PCDHA4: variants seen among roughly 807,000 people sequenced by gnomAD.
PCDHA4 encodes protocadherin alpha 4, also known as protocadherin alpha-4.
PCDHA4 carries 49 observed loss-of-function variants against 61.4 expected under a neutral mutation model. That is an observed-to-expected ratio of 0.80 (90% CI 0.63 to 1.01). The LOEUF (loss-of-function observed/expected upper bound fraction) is 1.01. Ranked by LOEUF, PCDHA4 falls within the 50% of genes least tolerant of loss-of-function variation. The pLI, the probability that PCDHA4 is intolerant of heterozygous loss-of-function variation, is 0.00. For missense variants in PCDHA4, 1,254 were observed against 1,235.8 expected, an observed-to-expected ratio of 1.01 and a Z score of -0.22; for synonymous variants, 590 against 550.3, an observed-to-expected ratio of 1.07 and a Z score of -1.01.
intron 1 of PCDHA4, among the ~76,000 whole-genome samples, chr5:140,938,521 T>C (rs2092100005): frequency 6.6e-6 from 1 of 150,974 alleles, no homozygotes; most frequent in African/African-American, 2.4e-5. Context: ...TTTTCTGTTA[T>C]TGAATGGATA....
chr5:140,853,230 G>T, intron 1 of PCDHA4: 1 of 982,608 alleles, frequency 1.0e-6, no homozygotes. Flanking sequence ...TGGTAATTTA[G>T]TCCTTCATAT....
At chr5:140,845,739 T>A (rs1410365251) in intron 1 of PCDHA4, among the ~76,000 whole-genome samples, 1 of 149,672 alleles carries the variant, frequency 6.7e-6, no homozygotes, top group African/African-American at 2.4e-5. Context: ...TTCTACTTTA[T>A]AGATTTATTT....
chr5:140,899,468 G>A (rs1243330987), intron 1 of PCDHA4, among the ~76,000 whole-genome samples: 131 of 152,196 alleles, frequency 8.6e-4, no homozygotes, highest in Admixed American at 2.5e-3. Context: ...TTTGTCTTTG[G>A]TTCTGTTTAT....
At chr5:140,913,966 A>C (rs2076538227) in intron 1 of PCDHA4, among the ~76,000 whole-genome samples, 1 of 152,156 alleles carries the variant, frequency 6.6e-6, no homozygotes, top group Non-Finnish European at 1.5e-5. Context: ...TTTTTAAAAA[A>C]ATATTTTAGG....
chr5:140,850,290 G>C (rs2150477897), intron 1 of PCDHA4: 1 of 1,595,932 alleles, frequency 6.3e-7, no homozygotes, highest in South Asian at 1.1e-5. Flanking sequence ...CGCAGTGGAC[G>C]CCGACTCGGG....
rs2150374915 is a variant in PCDHA4 at position 140,844,901 on chromosome 5, G to T, written c.2385+35329G>T. 3.1e-4 allele frequency among the ~76,000 whole-genome samples: 47 copies of T among 149,514 alleles called. 3 individuals are homozygous for T. The highest frequency in any genetic ancestry group is 1.0e-3 in the African/African-American group (41 of 40,888). ...TAGACTTCGTGCATATTGCTTTGGA[G>T]AGAATGGTAGAAATTGATGGAAGGG... On this transcript the variant is annotated intron_variant, in intron 1 of 3. Coordinates refer to ENST00000530339, the MANE Select transcript of PCDHA4 (RefSeq NM_018907.4).
At chr5:140,838,747 G>A (rs1055072551) in intron 1 of PCDHA4, among the ~76,000 whole-genome samples, 2 of 151,894 alleles carry the variant, frequency 1.3e-5, no homozygotes, top group South Asian at 2.1e-4. Flanking sequence ...ACCAGCTTGT[G>A]CATCTTTTGT....
chr5:140,835,847 G>T (rs140727991), intron 1 of PCDHA4: 20 of 1,612,344 alleles, frequency 1.2e-5, no homozygotes, highest in Admixed American at 1.7e-5. Flanking sequence ...AGAAGAACGC[G>T]CTGGTGTCCT....
intron 1 of PCDHA4, among the ~76,000 whole-genome samples, chr5:140,888,358 C>T (rs2061801167): frequency 6.6e-6 from 1 of 152,178 alleles, no homozygotes; most frequent in Non-Finnish European, 1.5e-5. Flanking sequence ...TTGCTACTGG[C>T]ATCTAATAAT....
intron 3 of PCDHA4, among the ~76,000 whole-genome samples, chr5:140,998,253 T>C (rs1245576621): frequency 6.6e-6 from 1 of 152,232 alleles, no homozygotes; most frequent in Non-Finnish European, 1.5e-5. Context: ...CTCATTTTAC[T>C]GCTAAGAAAA....
intron 1 of PCDHA4, chr5:140,882,683 C>G (rs1554175163): frequency 6.2e-7 from 1 of 1,614,148 alleles, no homozygotes; most frequent in Non-Finnish European, 8.5e-7. Flanking sequence ...AAGCAAGAAA[C>G]GAATAATCAT....
At position 140,808,867 on chromosome 5, in the gene PCDHA4, C is replaced by A. The variant is rs782544974; in HGVS notation, c.1680C>A (p.Asp560Glu). ...AGGTGTTCGTGCTGGACGAAAACGACAACGCGCCAGCACTGCTAGCGCCTC... is the reference window on the plus strand; with the variant it reads ...AGGTGTTCGTGCTGGACGAAAACGAAAACGCGCCAGCACTGCTAGCGCCTC... ...TLQVFVLDEN[D>E]NAPALLAPRA... is the part of the protein sequence containing the mutation. The change falls in exon 1 of 4, where the codon GAC becomes GAA. Residue 560 changes from aspartate (D) to glutamate (E), a missense_variant. Physicochemically the swap from Asp to Glu is conservative, Grantham distance 45. Coordinates refer to ENST00000530339, the MANE Select transcript of PCDHA4 (RefSeq NM_018907.4). 1 of 1,613,062 alleles carries A rather than the reference C, an allele frequency of 6.2e-7. No individual in the cohort carries two copies. The highest frequency in any genetic ancestry group is 1.7e-5 in the Admixed American group (1 of 60,004).
At chr5:140,863,761 A>C (rs1000713461) in intron 1 of PCDHA4, 5 of 242,322 alleles carry the variant, frequency 2.1e-5, no homozygotes, top group Non-Finnish European at 3.3e-5. Flanking sequence ...CACTTTGGGA[A>C]GCCGAGGCGG....
chr5:140,902,488 G>T (rs1357036471), intron 1 of PCDHA4, among the ~76,000 whole-genome samples: 2 of 152,096 alleles, frequency 1.3e-5, no homozygotes, highest in African/African-American at 4.8e-5. Context: ...TGCTCAGTAT[G>T]ATACTAGCTG....
chr5:140,968,994 G>T (rs1182509201), intron 1 of PCDHA4: 2 of 1,614,098 alleles, frequency 1.2e-6, no homozygotes, highest in Non-Finnish European at 1.7e-6. Context: ...GCATGCTGTG[G>T]AGGCTTCTGT....
intron 1 of PCDHA4, chr5:140,966,660 A>G: frequency 8.2e-7 from 1 of 1,217,300 alleles, no homozygotes; most frequent in Non-Finnish European, 1.1e-6. Context: ...GCGGTGGGGG[A>G]GCAGGCGCAG....
intron 1 of PCDHA4, chr5:140,882,695 G>T: frequency 6.2e-7 from 1 of 1,614,192 alleles, no homozygotes; most frequent in Non-Finnish European, 8.5e-7. Flanking sequence ...AATAATCATT[G>T]CAGAATCTAG....
chr5:140,833,536 G>A (rs188132068), intron 1 of PCDHA4, among the ~76,000 whole-genome samples: 247 of 152,256 alleles, frequency 1.6e-3, no homozygotes, highest in African/African-American at 5.6e-3. Flanking sequence ...ACAAGTGTTC[G>A]AAAGGATAGA....
intron 1 of PCDHA4, chr5:140,869,914 G>A (rs782742972): frequency 6.2e-7 from 1 of 1,611,078 alleles, no homozygotes; most frequent in South Asian, 1.1e-5. Context: ...AGACCGAGAC[G>A]AAGGAGTCAA....
Sources: allele counts gnomAD v4.1 joint callset (sites outside exome capture counted in the v4.1 genomes callset), GRCh38; gene constraint gnomAD v4.1.1; transcripts MANE v1.5; gene names NCBI Gene and HGNC (gene_info 2026-07-23, HGNC 2026-07-21).